F8: variants seen among roughly 807,000 people sequenced by gnomAD.
F8 encodes coagulation factor VIII.
Under a neutral mutation model 140.6 loss-of-function variants are expected in F8, and 12 were observed. The observed-to-expected ratio is 0.09, with a 90% CI of 0.05 to 0.14. F8 has a LOEUF of 0.14. Among genes scored for constraint, F8 ranks in the 10% least tolerant of loss-of-function variants. The pLI is 1.00. For synonymous variants in F8, 585 were observed against 614.6 expected (o/e 0.95, Z 0.71); for missense variants, 1,354 against 1,720.7 (o/e 0.79, Z 3.77).
chrX:154,990,549 T>G (rs949257993), intron 4 of F8, among the ~76,000 whole-genome samples: 1 of 112,382 alleles, frequency 8.9e-6, no homozygotes, highest in East Asian at 2.8e-4. Context: ...CAATGTTCTA[T>G]CTTTGCTTTC....
intron 1 of F8, among the ~76,000 whole-genome samples, chrX:155,022,054 G>T (rs1401618007): frequency 9.0e-6 from 1 of 111,629 alleles, no homozygotes; most frequent in Non-Finnish European, 1.9e-5. Context: ...ATATTGATTG[G>T]ATTTCATTGC....
At chrX:154,982,209 A>C (rs1182319637) in intron 6 of F8, among the ~76,000 whole-genome samples, 1 of 106,021 alleles carries the variant, frequency 9.4e-6, no homozygotes, top group East Asian at 2.9e-4. Flanking sequence ...ATACTTTGGG[A>C]GGCCAAGGCG....
chrX:154,937,105 C>A (rs1199269179), intron 13 of F8, among the ~76,000 whole-genome samples: 8 of 111,062 alleles, frequency 7.2e-5, no homozygotes, highest in African/African-American at 2.6e-4. Context: ...TTTGTATGAA[C>A]TTTTAAAAAG....
Position 154,997,277 on chromosome X carries a change from T to C in F8, c.266-182A>G, listed in dbSNP as rs1305543016. On this transcript the variant is annotated intron_variant, in intron 2 of 25. Transcript: ENST00000360256. ...TATGGTTGCTCTGAGGCAAGATTTC[T>C]GGCAATCATTCAATTCATTCATTCA... is the stretch of plus-strand genomic sequence containing the variant. Among the ~76,000 whole-genome samples the C allele has an allele frequency of 1.6e-4, 18 of 112,555 alleles. No homozygotes were observed. The Admixed American group carries it at 1.7e-3, about 11-fold the overall frequency.
chrX:154,915,043 C>T (rs782128626), intron 14 of F8, among the ~76,000 whole-genome samples: 30 of 112,088 alleles, frequency 2.7e-4, no homozygotes, highest in African/African-American at 8.1e-4. Flanking sequence ...TCTCAGGAAA[C>T]TTGCAATCAT....
intron 22 of F8, among the ~76,000 whole-genome samples, chrX:154,875,774 T>TGG (rs1491343653): frequency 1.0e-5 from 1 of 95,627 alleles, no homozygotes; most frequent in Non-Finnish European, 2.1e-5. Flanking sequence ...TGTGTGTGTG[T>TGG]AGAGAGAGAG....
intron 25 of F8, among the ~76,000 whole-genome samples, chrX:154,856,049 A>G (rs976562758): frequency 8.9e-6 from 1 of 112,273 alleles, no homozygotes; most frequent in Non-Finnish European, 1.9e-5. Flanking sequence ...GGCCTCTAAC[A>G]GTTTAATTGG....
chrX:154,860,350 C>A, intron 25 of F8, 82 bp downstream of exon 25: 1 of 1,104,731 alleles, frequency 9.1e-7, no homozygotes. Flanking sequence ...GGTCATATAT[C>A]AACCTTTTTA....
chrX:154,920,870 G>T (rs1557277511), intron 14 of F8, among the ~76,000 whole-genome samples: 1 of 112,012 alleles, frequency 8.9e-6, no homozygotes. Flanking sequence ...TTATACTAAA[G>T]ATATAATTAA....
intron 25 of F8, among the ~76,000 whole-genome samples, chrX:154,845,312 G>T (rs2072556639): frequency 8.9e-6 from 1 of 111,970 alleles, no homozygotes; most frequent in Non-Finnish European, 1.9e-5. Context: ...CTCATAAAAT[G>T]AGTTAGGGAG....
chrX:155,002,597 C>T (rs1557285693), intron 1 of F8, among the ~76,000 whole-genome samples: 1 of 98,697 alleles, frequency 1.0e-5, no homozygotes. Flanking sequence ...TGTACTTTTA[C>T]CATTGGCATA....
intron 13 of F8, among the ~76,000 whole-genome samples, chrX:154,933,481 T>A (rs1040056484): frequency 9.8e-5 from 11 of 111,907 alleles, no homozygotes; most frequent in Non-Finnish European, 2.1e-4. Flanking sequence ...TATTATCCGA[T>A]CTTGGAACTA....
intron 6 of F8, among the ~76,000 whole-genome samples, chrX:154,981,022 G>A (rs1020488786): frequency 6.2e-5 from 7 of 112,121 alleles, no homozygotes; most frequent in Non-Finnish European, 9.4e-5. Flanking sequence ...AGGGCGCCCT[G>A]AGCCCAGGTT....
intron 4 of F8, among the ~76,000 whole-genome samples, chrX:154,990,070 A>AT (rs1296821723): frequency 2.2e-4 from 24 of 111,293 alleles, no homozygotes; most frequent in Non-Finnish European, 3.6e-4. Flanking sequence ...TACCTATATC[A>AT]TTTTTTTGAA....
chrX:154,993,190 G>C lies in F8; in HGVS notation c.389-42C>G, dbSNP rs782212129. The stretch of plus-strand genomic sequence containing the variant: ...TAAAATTGTCCTTTCTATATCCACT[G>C]TACACTCAAAGAAACATGTCAAGTT... On this transcript the variant is annotated intron_variant, in intron 3 of 25. Transcript: ENST00000360256. The C allele has an allele frequency of 1.6e-4, 174 of 1,069,015 alleles. 1 individual carries two copies. In the South Asian group the frequency reaches 3.3e-3, roughly 20 times the overall value. The allele number at this position is 1,069,015 out of a possible 1,213,427, so 88.1% of individuals were successfully genotyped here.
At chrX:154,925,021 C>T (rs1371308850) in intron 14 of F8, among the ~76,000 whole-genome samples, 1 of 112,175 alleles carries the variant, frequency 8.9e-6, no homozygotes, top group African/African-American at 3.2e-5. Flanking sequence ...TCTGACATGC[C>T]CTGGAGACAT....
chrX:154,890,896 GT>G (rs1431542469), intron 22 of F8, among the ~76,000 whole-genome samples: 2 of 112,553 alleles, frequency 1.8e-5, no homozygotes, highest in Non-Finnish European at 3.8e-5. Context: ...TTATTTTCAA[GT>G]TTAATATAAC....
intron 12 of F8, among the ~76,000 whole-genome samples, chrX:154,949,972 G>A (rs1029164903): frequency 2.7e-5 from 3 of 110,822 alleles, no homozygotes; most frequent in African/African-American, 6.6e-5. Flanking sequence ...TCACCATGTT[G>A]GCCAGGATGG....
Position 154,944,262 on chromosome X carries a change from C to A in F8, c.2113+3436G>T, listed in dbSNP as rs1465480841. Among the ~76,000 whole-genome samples the A allele has an allele frequency of 3.7e-5, 4 of 108,420 alleles. No homozygotes were observed. In the South Asian group the frequency reaches 1.6e-3, roughly 44 times the overall value. 94.1% of individuals were successfully genotyped at this position (108,420 alleles called of 115,157 possible). A position where few individuals can be genotyped will look rare whatever the true frequency, so the allele number is the denominator to read the frequency against. ...ACAAAATGGGAGAAAATTTTCGCAA[C>A]CTACTCATCTGACAAAGGGCTAATA... On this transcript the variant is annotated intron_variant, in intron 13 of 25. Coordinates refer to ENST00000360256, the MANE Select transcript of F8 (RefSeq NM_000132.4).
Sources: gnomAD v4.1 joint callset for allele counts (sites outside exome capture counted in the v4.1 genomes callset) on GRCh38, gnomAD v4.1.1 for gene constraint, MANE v1.5 for transcripts, NCBI Gene and HGNC (gene_info 2026-07-23, HGNC 2026-07-21) for gene names.